VPS26A: variants seen among roughly 807,000 people sequenced by gnomAD.
VPS26A encodes VPS26 retromer complex component A, also known as vacuolar protein sorting-associated protein 26A.
A neutral mutation model predicts 42.4 loss-of-function variants in VPS26A; 22 were observed. The ratio of observed to expected loss-of-function variants is 0.52; its 90% CI spans 0.37 to 0.74. The LOEUF (loss-of-function observed/expected upper bound fraction) is 0.74, where lower values mean the gene tolerates loss of function less well. Among genes scored for constraint, VPS26A ranks in the 30% least tolerant of loss-of-function variants. The pLI is 0.00. For missense variants in VPS26A, 276 were observed against 379.2 expected (o/e 0.73, Z 2.26); for synonymous variants, 110 against 123.5 (o/e 0.89, Z 0.73).
Position 69,172,273 on chromosome 10 carries a change from CAT to C in VPS26A, c.*1007_*1008del, listed in dbSNP as rs1419704503. The C allele has an allele frequency of 2.0e-5, 3 of 152,110 alleles. No homozygotes were observed. Among genetic ancestry groups the C allele is most frequent in the African/African-American group, 4.8e-5 (2 of 41,420 alleles). 9.4% of individuals were successfully genotyped at this position (152,110 alleles called of 1,614,324 possible). Reference sequence around the variant, plus strand: ...AACTCGAACTTTGGCTAGTTAAACTCATATTGAAACTTCATCTAGTCTCTTAA... The same window carrying C: ...AACTCGAACTTTGGCTAGTTAAACTCATTGAAACTTCATCTAGTCTCTTAA... On this transcript the variant is annotated 3_prime_UTR_variant, in exon 9 of 9. Transcript: ENST00000263559.
intron 2 of VPS26A, among the ~76,000 whole-genome samples, chr10:69,154,630 A>G (rs554368416): frequency 4.3e-4 from 65 of 152,328 alleles, no homozygotes; most frequent in Admixed American, 1.1e-3. Context: ...TGGGAGTCCA[A>G]TGTGGCAGAA....
chr10:69,153,325 C>G (rs1374047585), intron 2 of VPS26A, among the ~76,000 whole-genome samples: 2 of 151,512 alleles, frequency 1.3e-5, no homozygotes, highest in East Asian at 3.9e-4. Context: ...GCTAAGATTA[C>G]AGGCATGAGC....
At chr10:69,136,619 C>T (rs1480807370) in intron 2 of VPS26A, among the ~76,000 whole-genome samples, 5 of 151,752 alleles carry the variant, frequency 3.3e-5, no homozygotes, top group African/African-American at 7.3e-5. Flanking sequence ...TGATTTAACT[C>T]ATTGGGAGTT....
intron 2 of VPS26A, among the ~76,000 whole-genome samples, chr10:69,140,674 T>C (rs7076011): frequency 0.76 from 115,316 of 152,106 alleles, 45,788 homozygotes; most frequent in Non-Finnish European, 0.89. Context: ...TGTGAACCAC[T>C]GTGCCTGGCC....
chr10:69,150,101 GT>G (rs1157643472), intron 2 of VPS26A, among the ~76,000 whole-genome samples: 5 of 151,368 alleles, frequency 3.3e-5, no homozygotes, highest in African/African-American at 1.2e-4. Context: ...GTCTTACTCT[GT>G]CATCCAGGCT....
chr10:69,130,227 G>A (rs1840747979), intron 1 of VPS26A, among the ~76,000 whole-genome samples: 1 of 152,222 alleles, frequency 6.6e-6, no homozygotes, highest in Admixed American at 6.5e-5. Context: ...GCCATACGCT[G>A]CCTTAGATGA....
At chr10:69,162,662 T>C (rs1589363390) in intron 6 of VPS26A, 150 bp downstream of exon 6, 1 of 483,072 alleles carries the variant, frequency 2.1e-6, no homozygotes, top group East Asian at 3.7e-5. Context: ...TAATGTTTTT[T>C]TAAATTACTT....
chr10:69,151,282 A>AAAAAAAACAAAAAAAAAAC (rs71035063), intron 2 of VPS26A, among the ~76,000 whole-genome samples: 2 of 136,776 alleles, frequency 1.5e-5, no homozygotes, highest in African/African-American at 6.6e-5. Flanking sequence ...AAAAAAAAAA[A>AAAAAAAACAAAAAAAAAAC]ACACACACAC....
At position 69,172,580 on chromosome 10, in the gene VPS26A, G is replaced by C. The variant is rs1841840918; in HGVS notation, c.*1311G>C. 6.6e-6 allele frequency: 1 copy of C among 152,494 alleles called. No homozygotes were observed. The highest frequency in any genetic ancestry group is 2.4e-5 in the African/African-American group (1 of 41,408). The allele number at this position is 152,494 out of a possible 1,614,324, so 9.4% of individuals were successfully genotyped here. On this transcript the variant is annotated 3_prime_UTR_variant, in exon 9 of 9. Transcript: ENST00000263559. ...TCTTTAAACCTGTTTTACTACTATG[G>C]CACTTTGATAAAATGGTCAGGAACC...
intron 1 of VPS26A, among the ~76,000 whole-genome samples, chr10:69,127,005 C>T (rs909227615): frequency 2.7e-5 from 4 of 150,442 alleles, no homozygotes; most frequent in African/African-American, 9.8e-5. Context: ...GTCGCCCAGG[C>T]TGGAGTGCAG....
chr10:69,149,727 G>GTTTTTTGTTTTT (rs869172445), intron 2 of VPS26A, among the ~76,000 whole-genome samples: 5 of 93,964 alleles, frequency 5.3e-5, no homozygotes, highest in African/African-American at 2.4e-4. Flanking sequence ...CTTTCTTGGT[G>GTTTTTTGTTTTT]TTTTTTGTTT....
In VPS26A at chr10:69,158,064, C is replaced by T. The variant is rs1841469426; in HGVS notation, c.404C>T (p.Thr135Ile). 2 of 1,604,772 alleles carry T rather than the reference C, an allele frequency of 1.2e-6. No homozygotes were observed. Among genetic ancestry groups the T allele is most frequent in the Non-Finnish European group, 1.7e-6 (2 of 1,177,158 alleles). ...NVRLRYFLKV[T>I]IVRRLTDLVK... ...CTTTGTAGGTATTTTCTTAAAGTGACAATAGTGAGAAGACTGACAGATTTG... is the reference window on the plus strand; with the variant it reads ...CTTTGTAGGTATTTTCTTAAAGTGATAATAGTGAGAAGACTGACAGATTTG... Residue 135 changes from threonine (T) to isoleucine (I), a missense_variant, in exon 5 of 9, where the codon ACA becomes ATA. Thr to Ile is a moderately conservative substitution (Grantham distance 89). Coordinates refer to ENST00000263559, the MANE Select transcript of VPS26A (RefSeq NM_004896.5).
At chr10:69,138,960 C>G (rs1234604934) in intron 2 of VPS26A, among the ~76,000 whole-genome samples, 1 of 152,172 alleles carries the variant, frequency 6.6e-6, no homozygotes, top group African/African-American at 2.4e-5. Flanking sequence ...ATTTGTTTTA[C>G]TCACATTTCT....
At chr10:69,139,494 G>A (rs1840993792) in intron 2 of VPS26A, among the ~76,000 whole-genome samples, 1 of 151,992 alleles carries the variant, frequency 6.6e-6, no homozygotes, top group Non-Finnish European at 1.5e-5. Flanking sequence ...AGTAGAGATG[G>A]GGTTTCACCA....
chr10:69,125,635 G>T (rs938066928), intron 1 of VPS26A, among the ~76,000 whole-genome samples: 1 of 152,112 alleles, frequency 6.6e-6, no homozygotes, highest in Non-Finnish European at 1.5e-5. Flanking sequence ...TTTGAATTAT[G>T]TTCAAGAGCA....
intron 2 of VPS26A, among the ~76,000 whole-genome samples, chr10:69,147,972 A>G (rs1223430181): frequency 6.6e-6 from 1 of 152,124 alleles, no homozygotes; most frequent in Non-Finnish European, 1.5e-5. Flanking sequence ...TCGGCCTCCC[A>G]CAGTGCTGGG....
chr10:69,134,870 A>T (rs1840869255), intron 2 of VPS26A, among the ~76,000 whole-genome samples: 1 of 152,060 alleles, frequency 6.6e-6, no homozygotes, highest in South Asian at 2.1e-4. Flanking sequence ...AGGAGGGAGG[A>T]TCACTTGAGC....
chr10:69,140,204 A>T (rs1841011890), intron 2 of VPS26A, among the ~76,000 whole-genome samples: 1 of 151,994 alleles, frequency 6.6e-6, no homozygotes, highest in Admixed American at 6.6e-5. Context: ...AGTAGCTGGG[A>T]CCACAGGCAT....
intron 7 of VPS26A, among the ~76,000 whole-genome samples, chr10:69,167,614 G>A (rs1189543834): frequency 1.1e-4 from 16 of 151,156 alleles, no homozygotes; most frequent in Admixed American, 9.9e-4. Flanking sequence ...ATGGTGGCAG[G>A]TGCCTGTAAT....
Sources: allele counts gnomAD v4.1 joint callset (sites outside exome capture counted in the v4.1 genomes callset), GRCh38; gene constraint gnomAD v4.1.1; transcripts MANE v1.5; gene names NCBI Gene and HGNC (gene_info 2026-07-23, HGNC 2026-07-21).